Variants in CNTNAP5 observed in about 807,000 individuals in gnomAD.
The protein encoded by CNTNAP5 is contactin associated protein family member 5.
A neutral mutation model predicts 150.2 loss-of-function variants in CNTNAP5; 72 were observed. The ratio of observed to expected loss-of-function variants is 0.48; its 90% CI spans 0.40 to 0.58. The LOEUF is 0.58. Ranked by LOEUF, CNTNAP5 falls within the 20% of genes least tolerant of loss-of-function variation. The pLI, the probability that CNTNAP5 is intolerant of heterozygous loss-of-function variation, is 0.00. For synonymous variants in CNTNAP5, 672 were observed against 619.8 expected (o/e 1.08, Z -1.25); for missense variants, 1,636 against 1,626.2 (o/e 1.01, Z -0.10).
At chr2:124,706,171 G>A (rs1679632840) in intron 13 of CNTNAP5, among the ~76,000 whole-genome samples, 1 of 152,114 alleles carries the variant, frequency 6.6e-6, no homozygotes, top group African/African-American at 2.4e-5. Context: ...CCCAAAAGAC[G>A]AGTGTTCCCT....
chr2:124,745,251 T>G lies in CNTNAP5; in HGVS notation c.2078-1978T>G, dbSNP rs1261181869. On this transcript the variant is annotated intron_variant, in intron 13 of 23. Coordinates refer to ENST00000682447, the MANE Select transcript of CNTNAP5 (RefSeq NM_001367498.1). ...CAATGCAATTAATGTGCTTATAGCC[T>G]TTCGGGTAGTTCATAAACAAAGTAT... Among the ~76,000 whole-genome samples the G allele has an allele frequency of 2.6e-5, 4 of 152,334 alleles. No individual in the cohort carries two copies. In the East Asian group the frequency reaches 5.8e-4, roughly 22 times the overall value.
At chr2:124,635,367 T>A (rs1026644660) in intron 12 of CNTNAP5, among the ~76,000 whole-genome samples, 2 of 152,080 alleles carry the variant, frequency 1.3e-5, no homozygotes, top group African/African-American at 4.8e-5. Context: ...TCCAGTCACC[T>A]CCCACCAGGA....
intron 10 of CNTNAP5, 114 bp from the exon 11 acceptor site, chr2:124,563,103 A>G (rs1695932429): frequency 1.5e-6 from 1 of 672,216 alleles, no homozygotes; most frequent in South Asian, 1.8e-5. Context: ...ATGGGAGTAT[A>G]GCAAATCAAT....
intron 3 of CNTNAP5, among the ~76,000 whole-genome samples, chr2:124,365,203 C>G (rs1243908961): frequency 6.6e-6 from 1 of 151,860 alleles, no homozygotes; most frequent in Non-Finnish European, 1.5e-5. Context: ...GTGGTCGCAG[C>G]TACTCATGGG....
intron 1 of CNTNAP5, among the ~76,000 whole-genome samples, chr2:124,218,768 G>A (rs1407795116): frequency 6.6e-6 from 1 of 152,146 alleles, no homozygotes; most frequent in Admixed American, 6.6e-5. Context: ...GCACAGGTCT[G>A]GAAGAACAAA....
At chr2:124,801,785 A>G (rs1013079443) in intron 19 of CNTNAP5, among the ~76,000 whole-genome samples, 3 of 152,202 alleles carry the variant, frequency 2.0e-5, no homozygotes, top group African/African-American at 4.8e-5. Flanking sequence ...GAATTGCATT[A>G]TAAAGAACTG....
At chr2:124,261,367 T>A (rs1183002652) in intron 3 of CNTNAP5, among the ~76,000 whole-genome samples, 2 of 152,236 alleles carry the variant, frequency 1.3e-5, no homozygotes, top group Middle Eastern at 6.8e-3. Context: ...TCCCCAACTG[T>A]CCCATGAAGA....
At chr2:124,656,492 G>A (rs911704886) in intron 13 of CNTNAP5, among the ~76,000 whole-genome samples, 1 of 152,178 alleles carries the variant, frequency 6.6e-6, no homozygotes, top group African/African-American at 2.4e-5. Flanking sequence ...CTTTCCTAAT[G>A]TCCTAGTAAT....
chr2:124,047,930 C>G (rs960378523), intron 1 of CNTNAP5, among the ~76,000 whole-genome samples: 4 of 152,158 alleles, frequency 2.6e-5, no homozygotes, highest in Non-Finnish European at 5.9e-5. Context: ...TACTGCTCCT[C>G]TAGCACAAGC....
At chr2:124,888,596 C>T (rs1678128395) in intron 21 of CNTNAP5, among the ~76,000 whole-genome samples, 1 of 152,188 alleles carries the variant, frequency 6.6e-6, no homozygotes. Flanking sequence ...TTCTCCAAGC[C>T]TCATCAATGT....
Position 124,415,459 on chromosome 2 carries a change from C to T in CNTNAP5, c.382-1984C>T, listed in dbSNP as rs546648923. ...AAAGATTATGCAAGATAACCTAAAT[C>T]CACAGGTGCTATTAAAATATAATCA... On this transcript the variant is annotated intron_variant, in intron 3 of 23. Transcript: ENST00000682447. 3.3e-5 allele frequency among the ~76,000 whole-genome samples: 5 copies of T among 152,250 alleles called. No homozygotes were observed. The South Asian group carries it at 1.0e-3, about 32-fold the overall frequency.
chr2:124,209,934 A>G (rs1685964897), intron 1 of CNTNAP5, among the ~76,000 whole-genome samples: 1 of 152,230 alleles, frequency 6.6e-6, no homozygotes, highest in South Asian at 2.1e-4. Flanking sequence ...GCGGGCATTC[A>G]AGACAGAGTC....
At chr2:124,891,451 T>A (rs540160705) in intron 21 of CNTNAP5, among the ~76,000 whole-genome samples, 1 of 152,222 alleles carries the variant, frequency 6.6e-6, no homozygotes, top group East Asian at 1.9e-4. Context: ...CATCGCTCAG[T>A]GAAGGGCGTG....
chr2:124,695,195 C>T (rs1220494755), intron 13 of CNTNAP5, among the ~76,000 whole-genome samples: 1 of 152,162 alleles, frequency 6.6e-6, no homozygotes, highest in Non-Finnish European at 1.5e-5. Context: ...CATGGCCAAT[C>T]TTACCGTACC....
intron 10 of CNTNAP5, among the ~76,000 whole-genome samples, chr2:124,544,530 A>G (rs562008075): frequency 5.2e-4 from 79 of 152,322 alleles, no homozygotes; most frequent in African/African-American, 1.8e-3. Flanking sequence ...TTATTGCTTC[A>G]GTGAATCAAA....
chr2:124,911,423 G>T, intron 22 of CNTNAP5, 44 bp from the exon 23 acceptor site: 1 of 1,448,160 alleles, frequency 6.9e-7, no homozygotes, highest in Non-Finnish European at 9.5e-7. Context: ...TCTTGCCAGT[G>T]CTTTGAGTGA....
Position 124,917,380 on chromosome 2 carries a change from A to G in CNTNAP5, c.*3092A>G, listed in dbSNP as rs774311264. 4.6e-5 allele frequency among the ~76,000 whole-genome samples: 7 copies of G among 152,140 alleles called. No individual in the cohort carries two copies. Among genetic ancestry groups the G allele is most frequent in the Non-Finnish European group, 8.8e-5 (6 of 68,004 alleles). ...ACAGTATATTTGCTTACTCTAAAAT[A>G]TATTTATCCTACTGCATCATTTATT... On this transcript the variant is annotated 3_prime_UTR_variant, in exon 24 of 24. Transcript: ENST00000682447.
chr2:124,403,710 G>A (rs1272480811), intron 3 of CNTNAP5, among the ~76,000 whole-genome samples: 1 of 152,100 alleles, frequency 6.6e-6, no homozygotes, highest in Non-Finnish European at 1.5e-5. Flanking sequence ...GGGATGACAG[G>A]GCAAATCGTA....
At chr2:124,096,762 G>A (rs1262838332) in intron 1 of CNTNAP5, among the ~76,000 whole-genome samples, 1 of 151,864 alleles carries the variant, frequency 6.6e-6, no homozygotes, top group Non-Finnish European at 1.5e-5. Context: ...AGAGTGCAGT[G>A]GCATGATCTT....
Sources: allele counts gnomAD v4.1 joint callset (sites outside exome capture counted in the v4.1 genomes callset), GRCh38; gene constraint gnomAD v4.1.1; transcripts MANE v1.5; gene names NCBI Gene and HGNC (gene_info 2026-07-23, HGNC 2026-07-21).